The following MGAT4C variants were observed in gnomAD, a reference collection of about 807,000 sequenced individuals.
MGAT4C encodes the protein MGAT4 family member C, also known as alpha-1,3-mannosyl-glycoprotein 4-beta-N-acetylglucosaminyltransferase C.
A neutral mutation model predicts 40.1 loss-of-function variants in MGAT4C; 19 were observed. The observed-to-expected ratio is 0.47, with a 90% CI of 0.33 to 0.70. MGAT4C has a LOEUF of 0.70. MGAT4C is among the 30% of genes least tolerant of loss of function. The pLI is 0.02. For synonymous variants in MGAT4C, 181 were observed against 187.1 expected (o/e 0.97, Z 0.27); for missense variants, 491 against 563.2 (o/e 0.87, Z 1.30).
intron 4 of MGAT4C, among the ~76,000 whole-genome samples, chr12:86,280,696 TC>T (rs1201259921): frequency 7.3e-6 from 1 of 137,094 alleles, no homozygotes; most frequent in Non-Finnish European, 1.6e-5. Flanking sequence ...TGAATTTCTA[TC>T]CTTTTTTTTT....
At chr12:86,559,107 T>C (rs911527148) in intron 2 of MGAT4C, among the ~76,000 whole-genome samples, 3 of 151,806 alleles carry the variant, frequency 2.0e-5, no homozygotes, top group African/African-American at 7.2e-5. Context: ...AAGATTATCA[T>C]ATAATAATAA....
At chr12:86,037,738 A>T (rs541310985) in intron 2 of MGAT4C, among the ~76,000 whole-genome samples, 1 of 149,602 alleles carries the variant, frequency 6.7e-6, no homozygotes, top group South Asian at 2.1e-4. Context: ...AATATGTGGG[A>T]TGTGGTGCTG....
At chr12:86,535,782 T>A (rs1309183134) in intron 2 of MGAT4C, among the ~76,000 whole-genome samples, 3 of 152,080 alleles carry the variant, frequency 2.0e-5, no homozygotes, top group Non-Finnish European at 4.4e-5. Flanking sequence ...AGTTTGGGAT[T>A]ATCACATTTG....
At chr12:86,497,893 A>AATATAT (rs71078904) in intron 2 of MGAT4C, among the ~76,000 whole-genome samples, 9,863 of 133,634 alleles carry the variant, frequency 0.074, 370 homozygotes, top group Middle Eastern at 0.1. Context: ...GAAATTCCTA[A>AATATAT]ATATATATAT....
chr12:86,717,178 T>G (rs2136639633), intron 2 of MGAT4C, among the ~76,000 whole-genome samples: 1 of 150,924 alleles, frequency 6.6e-6, no homozygotes, highest in Admixed American at 6.6e-5. Context: ...TAATTATAAT[T>G]ATTACAAAAA....
chr12:86,522,569 G>T (rs1219462774), intron 2 of MGAT4C, among the ~76,000 whole-genome samples: 1 of 151,932 alleles, frequency 6.6e-6, no homozygotes, highest in Non-Finnish European at 1.5e-5. Context: ...TTTTTTTGTT[G>T]TATCTTGGCC....
intron 1 of MGAT4C, among the ~76,000 whole-genome samples, chr12:86,782,669 T>G (rs1951866047): frequency 6.6e-6 from 1 of 152,052 alleles, no homozygotes; most frequent in Admixed American, 6.6e-5. Flanking sequence ...TTTTCAGACA[T>G]AAGGCCTTTA....
chr12:86,314,705 C>T (rs1954160002), intron 4 of MGAT4C, among the ~76,000 whole-genome samples: 1 of 152,210 alleles, frequency 6.6e-6, no homozygotes, highest in African/African-American at 2.4e-5. Context: ...TCCCCAACAA[C>T]ATTCAAGTTG....
intron 2 of MGAT4C, among the ~76,000 whole-genome samples, chr12:86,585,738 T>TC (rs1355270881): frequency 1.3e-5 from 2 of 149,438 alleles, no homozygotes; most frequent in Non-Finnish European, 3.0e-5. Flanking sequence ...TTTTTTAATT[T>TC]TTTTTTTAAT....
rs143879541 is a variant in MGAT4C at position 86,621,570 on chromosome 12, T to A, written c.-229+105639A>T. On this transcript the variant is annotated intron_variant, in intron 2 of 7. Coordinates refer to the MGAT4C transcript ENST00000548651. ...CAAAGCTCACTGCATCCTTGATTTC[T>A]TGGACTCATGTGATCCTCCCACTTC... is the stretch of plus-strand genomic sequence containing the variant. Among the ~76,000 whole-genome samples, 1,297 of 152,238 alleles carry A rather than the reference T, an allele frequency of 8.5e-3. 7 individuals carry two copies. The highest frequency in any genetic ancestry group is 0.014 in the Non-Finnish European group (955 of 67,980).
intron 4 of MGAT4C, among the ~76,000 whole-genome samples, chr12:86,275,944 CAAAAAAAAAAA>C (rs748476574): frequency 0.054 from 3,714 of 69,274 alleles, 98 homozygotes; most frequent in Middle Eastern, 0.17. Flanking sequence ...ACTAAAAATC[CAAAAAAAAAAA>C]AAAAAAAAAA....
intron 2 of MGAT4C, among the ~76,000 whole-genome samples, chr12:86,595,299 T>G (rs2136453209): frequency 6.6e-6 from 1 of 152,182 alleles, no homozygotes; most frequent in East Asian, 1.9e-4. Context: ...ATCCCAGCAC[T>G]TTGGGAGGAT....
At chr12:86,107,168 T>C (rs1876345852) in intron 1 of MGAT4C, among the ~76,000 whole-genome samples, 1 of 152,208 alleles carries the variant, frequency 6.6e-6, no homozygotes, top group African/African-American at 2.4e-5. Context: ...CTGGATAATC[T>C]AGCTCGCATC....
intron 1 of MGAT4C, among the ~76,000 whole-genome samples, chr12:86,747,186 G>T (rs1247086161): frequency 6.6e-6 from 1 of 151,600 alleles, no homozygotes; most frequent in Non-Finnish European, 1.5e-5. Context: ...ATGAGTTAAT[G>T]TATGTAAAAT....
At chr12:86,071,470 A>T (rs1174008320) in intron 1 of MGAT4C, among the ~76,000 whole-genome samples, 1 of 152,204 alleles carries the variant, frequency 6.6e-6, no homozygotes, top group Non-Finnish European at 1.5e-5. Flanking sequence ...TGATAACTTT[A>T]CATCTGGCTA....
chr12:86,191,116 CACACACACACACACACA>C (rs1889377695), intron 1 of MGAT4C, among the ~76,000 whole-genome samples: 8 of 148,682 alleles, frequency 5.4e-5, no homozygotes, highest in Admixed American at 3.3e-4. Flanking sequence ...CACACACACA[CACACACACACACACACA>C]CCCCTATAGG....
chr12:86,394,054 C>T (rs879746258), intron 3 of MGAT4C, among the ~76,000 whole-genome samples: 3 of 152,072 alleles, frequency 2.0e-5, no homozygotes, highest in African/African-American at 2.4e-5. Context: ...TGGTTTGTTC[C>T]CTCTTCTCCC....
chr12:86,203,036 G>A (rs1950106462), intron 1 of MGAT4C, among the ~76,000 whole-genome samples: 1 of 151,550 alleles, frequency 6.6e-6, no homozygotes, highest in African/African-American at 2.4e-5. Context: ...GTGTGTGTGT[G>A]TGTGTGTGTG....
In MGAT4C at chr12:86,781,137, T is replaced by TA. The variant is rs1006204557; in HGVS notation, c.-261-53897_-261-53896insT. 2.6e-5 allele frequency among the ~76,000 whole-genome samples: 4 copies of TA among 152,104 alleles called. No homozygotes were observed. In the South Asian group the frequency reaches 6.2e-4, roughly 24 times the overall value. On this transcript the variant is annotated intron_variant, in intron 1 of 7. Transcript: ENST00000548651. ...TAAACATACAAGCACAAGATTTTTT[T>TA]TATATATAATAATTGATTTTACACT...
Sources: gnomAD v4.1 joint callset for allele counts (sites outside exome capture counted in the v4.1 genomes callset) on GRCh38, gnomAD v4.1.1 for gene constraint, MANE v1.5 for transcripts, NCBI Gene and HGNC (gene_info 2026-07-23, HGNC 2026-07-21) for gene names.